Variants in PCDH9 observed in about 807,000 individuals in gnomAD.
PCDH9 encodes the protein protocadherin 9.
Under a neutral mutation model 70.6 loss-of-function variants are expected in PCDH9, and 24 were observed. That is an observed-to-expected ratio of 0.34 (90% confidence interval 0.25 to 0.48). The LOEUF is 0.48. Ranked by LOEUF, PCDH9 falls within the 20% of genes least tolerant of loss-of-function variation. The probability of loss-of-function intolerance (pLI) is 0.99; values close to 1 mark genes in which losing one functional copy is unlikely to be tolerated. For synonymous variants in PCDH9, 562 were observed against 558.5 expected, an observed-to-expected ratio of 1.01 and a Z score of -0.09; for missense variants, 1,281 against 1,503.6, an observed-to-expected ratio of 0.85 and a Z score of 2.45.
At chr13:66,447,084 T>C (rs1038511888) in intron 4 of PCDH9, among the ~76,000 whole-genome samples, 1 of 152,098 alleles carries the variant, frequency 6.6e-6, no homozygotes, top group African/African-American at 2.4e-5. Context: ...GAAAGTGTCT[T>C]TTAAACAAAA....
chr13:67,229,761 T>A lies in PCDH9; in HGVS notation c.-136+19A>T, dbSNP rs1354126122. 2.0e-5 allele frequency: 3 copies of A among 152,270 alleles called. No homozygotes were observed. The highest frequency in any genetic ancestry group is 4.4e-5 in the Non-Finnish European group (3 of 68,068). 9.4% of individuals were successfully genotyped at this position (152,270 alleles called of 1,614,324 possible). On this transcript the variant is annotated intron_variant, in intron 1 of 4. Transcript: ENST00000377865. ...TAAACACAGAATTTACAATTGTGCA[T>A]GCGAAACTTTACACTTACGTTAGTT...
Position 66,491,865 on chromosome 13 carries a change from G to T in PCDH9, c.3340+139345C>A, listed in dbSNP as rs148559730. ...AGTCACACCTAGTGCAGGTACTTTG[G>T]GTTAAGCTGATTCCACATCGCGGGA... On this transcript the variant is annotated intron_variant, in intron 4 of 4. Coordinates refer to ENST00000377865, the MANE Select transcript of PCDH9 (RefSeq NM_203487.3). Among the ~76,000 whole-genome samples, 486 of 152,040 alleles carry T rather than the reference G, an allele frequency of 3.2e-3. 1 individual carries two copies. Among genetic ancestry groups the T allele is most frequent in the Middle Eastern group, 0.014 (4 of 294 alleles).
intron 4 of PCDH9, among the ~76,000 whole-genome samples, chr13:66,406,894 C>A (rs761478522): frequency 3.9e-5 from 6 of 152,036 alleles, no homozygotes; most frequent in Non-Finnish European, 8.8e-5. Context: ...TTTTTTGTTT[C>A]AAATACATAT....
At chr13:66,503,279 T>C (rs1181756311) in intron 4 of PCDH9, among the ~76,000 whole-genome samples, 2 of 152,174 alleles carry the variant, frequency 1.3e-5, no homozygotes, top group Admixed American at 1.3e-4. Flanking sequence ...AAAGAAACAT[T>C]AAGGCATTGT....
chr13:66,348,884 T>C (rs73505860), intron 4 of PCDH9, among the ~76,000 whole-genome samples: 1,682 of 152,250 alleles, frequency 0.011, 26 homozygotes, highest in African/African-American at 0.039. Context: ...CTCTGTATAA[T>C]ACTCATACCC....
chr13:66,877,214 G>A (rs2081829584), intron 3 of PCDH9, among the ~76,000 whole-genome samples: 1 of 151,546 alleles, frequency 6.6e-6, no homozygotes, highest in Non-Finnish European at 1.5e-5. Flanking sequence ...TTTAGGTCAA[G>A]GACAGAGTCT....
intron 2 of PCDH9, among the ~76,000 whole-genome samples, chr13:67,161,640 C>A (rs992686718): frequency 6.6e-6 from 1 of 152,154 alleles, no homozygotes. Flanking sequence ...TGGCAGGGAA[C>A]TGTTGACCGT....
intron 2 of PCDH9, chr13:66,915,079 TG>T (rs1566289961): frequency 6.6e-6 from 1 of 151,424 alleles, no homozygotes; most frequent in African/African-American, 2.4e-5. Flanking sequence ...GATATGGAGG[TG>T]GGGGGCAATA....
chr13:67,196,817 G>A (rs1044829175), intron 2 of PCDH9, among the ~76,000 whole-genome samples: 4 of 151,942 alleles, frequency 2.6e-5, no homozygotes, highest in African/African-American at 4.8e-5. Context: ...CTTGAAAAAT[G>A]CTTAAATACC....
chr13:67,098,982 CAATCTTTTGTA>C (rs1306921786), intron 2 of PCDH9, among the ~76,000 whole-genome samples: 5 of 152,088 alleles, frequency 3.3e-5, no homozygotes, highest in African/African-American at 1.2e-4. Flanking sequence ...TCATCTCAGG[CAATCTTTTGTA>C]AAGAATGACC....
chr13:66,567,598 A>G (rs116868292), intron 4 of PCDH9, among the ~76,000 whole-genome samples: 1,643 of 152,310 alleles, frequency 0.011, 19 homozygotes, highest in Middle Eastern at 0.017. Context: ...TTAAACATTT[A>G]TACTTTTTAC....
At chr13:66,867,427 G>A (rs1278532778) in intron 3 of PCDH9, among the ~76,000 whole-genome samples, 1 of 152,006 alleles carries the variant, frequency 6.6e-6, no homozygotes, top group African/African-American at 2.4e-5. Context: ...CCTCCCTTTA[G>A]GGAGGCTGCA....
intron 4 of PCDH9, among the ~76,000 whole-genome samples, chr13:66,384,619 G>C (rs1956898866): frequency 6.6e-6 from 1 of 152,014 alleles, no homozygotes; most frequent in Non-Finnish European, 1.5e-5. Flanking sequence ...TTGTACCTTA[G>C]ATCTTTAGAT....
chr13:66,715,070 T>C (rs956012362), intron 3 of PCDH9, among the ~76,000 whole-genome samples: 2 of 152,162 alleles, frequency 1.3e-5, no homozygotes, highest in Non-Finnish European at 2.9e-5. Context: ...AAAATTAGTA[T>C]TTTTGAGCAG....
In PCDH9 at chr13:67,017,428, A is replaced by C. The variant is rs990386056; in HGVS notation, c.3037-113823T>G. Among the ~76,000 whole-genome samples, 4 of 152,322 alleles carry C rather than the reference A, an allele frequency of 2.6e-5. No individual in the cohort carries two copies. In the South Asian group the frequency reaches 8.3e-4, roughly 32 times the overall value. On this transcript the variant is annotated intron_variant, in intron 2 of 4. Coordinates refer to ENST00000377865, the MANE Select transcript of PCDH9 (RefSeq NM_203487.3). ...AATTTACAGGCATTGATATTCCCTAACAGTTTAAAATACCCCTGTTTACAA... is the reference window on the plus strand; with the variant it reads ...AATTTACAGGCATTGATATTCCCTACCAGTTTAAAATACCCCTGTTTACAA...
chr13:66,884,845 C>CA (rs1183658604), intron 3 of PCDH9, among the ~76,000 whole-genome samples: 1 of 151,944 alleles, frequency 6.6e-6, no homozygotes, highest in African/African-American at 2.4e-5. Flanking sequence ...TAGGGAACTA[C>CA]AAAAAAATGA....
chr13:66,750,646 T>G (rs2079443073), intron 3 of PCDH9, among the ~76,000 whole-genome samples: 1 of 152,040 alleles, frequency 6.6e-6, no homozygotes, highest in African/African-American at 2.4e-5. Flanking sequence ...TAAATTTAAC[T>G]AATGTAACAA....
intron 2 of PCDH9, among the ~76,000 whole-genome samples, chr13:67,128,498 G>A (rs927054944): frequency 6.6e-6 from 1 of 152,096 alleles, no homozygotes; most frequent in African/African-American, 2.4e-5. Flanking sequence ...AACACAGCAG[G>A]GTTAATCAAC....
intron 3 of PCDH9, among the ~76,000 whole-genome samples, chr13:66,662,863 G>A (rs950550906): frequency 6.6e-6 from 1 of 152,146 alleles, no homozygotes; most frequent in Non-Finnish European, 1.5e-5. Context: ...AAGTGAATGA[G>A]TAGATAAGAC....
Sources: allele counts gnomAD v4.1 joint callset (sites outside exome capture counted in the v4.1 genomes callset), GRCh38; gene constraint gnomAD v4.1.1; transcripts MANE v1.5; gene names NCBI Gene and HGNC (gene_info 2026-07-23, HGNC 2026-07-21).